GRM4: variants seen among roughly 807,000 people sequenced by gnomAD.
The protein encoded by GRM4 is metabotropic glutamate receptor 4.
A neutral mutation model predicts 81.7 loss-of-function variants in GRM4; 28 were observed. The observed-to-expected ratio is 0.34, with a 90% CI of 0.25 to 0.47. GRM4 has a LOEUF of 0.47. Among genes scored for constraint, GRM4 ranks in the 20% least tolerant of loss-of-function variants. The pLI is 1.00. For missense variants in GRM4, 948 were observed against 1,290.0 expected (o/e 0.73, Z 4.06); for synonymous variants, 488 against 528.8 (o/e 0.92, Z 1.06).
intron 2 of GRM4, chr6:34,103,891 G>A (rs1299366299): frequency 2.2e-6 from 3 of 1,375,674 alleles, no homozygotes; most frequent in African/African-American, 1.5e-5. Flanking sequence ...ACAGAAGCCT[G>A]GGGAGAGGGG....
At position 34,040,383 on chromosome 6, in the gene GRM4, AGAGACC is replaced by A. The variant is rs1764945913; in HGVS notation, c.1370-75_1370-70del. The A allele has an allele frequency of 2.6e-6, 4 of 1,553,824 alleles. No individual in the cohort carries two copies. In the Admixed American group the frequency reaches 6.8e-5, roughly 26 times the overall value. ...GCAGGGCGGATGATGAGCCTGGGGC[AGAGACC>A]TCTCTGACACACCCATTCATGGAAC... On this transcript the variant is annotated intron_variant, in intron 7 of 10. Transcript: ENST00000538487.
rs532343215 is a variant in GRM4 at position 34,034,650 on chromosome 6, CTGTT to C, written c.2442+1014_2442+1017del. On this transcript the variant is annotated intron_variant, in intron 9 of 10. Transcript: ENST00000538487. This position sits in a 1 kb window ranked among gnomAD's most constrained non-coding sequence, Gnocchi z 4.0. ...CTCCACACTCCTTACAGTGTATTAA[CTGTT>C]TGTGCACCCACTGTGTCATGTGATT... is the stretch of plus-strand genomic sequence containing the variant. Among the ~76,000 whole-genome samples the C allele has an allele frequency of 2.2e-4, 33 of 152,384 alleles. No individual in the cohort carries two copies. The highest frequency in any genetic ancestry group is 1.2e-3 in the South Asian group (6 of 4,830).
chr6:34,138,121 G>T (rs1770539685), intron 1 of GRM4, among the ~76,000 whole-genome samples: 1 of 152,190 alleles, frequency 6.6e-6, no homozygotes, highest in Admixed American at 6.5e-5. Context: ...CCAGAATAAA[G>T]GGTAAATCGA....
intron 3 of GRM4, among the ~76,000 whole-genome samples, chr6:34,066,786 C>T (rs553134850): frequency 1.6e-4 from 24 of 152,064 alleles, no homozygotes; most frequent in Admixed American, 2.6e-4. Context: ...TGGGACTACT[C>T]AGCAAATCTG....
chr6:34,148,244 C>T (rs1770978798), upstream of GRM4, among the ~76,000 whole-genome samples: 2 of 152,120 alleles, frequency 1.3e-5, no homozygotes, highest in African/African-American at 4.8e-5. Context: ...AGTGGCCAAG[C>T]GCTCCGTCAG....
intron 3 of GRM4, among the ~76,000 whole-genome samples, chr6:34,072,887 TC>T (rs1167400347): frequency 5.5e-5 from 2 of 36,140 alleles, no homozygotes; most frequent in African/African-American, 1.2e-4. Flanking sequence ...CCACACATCA[TC>T]ACACAGATAC....
chr6:34,045,935 G>A (rs1178972835), intron 6 of GRM4, among the ~76,000 whole-genome samples: 3 of 152,204 alleles, frequency 2.0e-5, no homozygotes, highest in East Asian at 3.8e-4. Context: ...ACAGTCAGCT[G>A]GGGAACCATC....
intron 3 of GRM4, among the ~76,000 whole-genome samples, chr6:34,072,479 C>T (rs926827991): frequency 9.0e-4 from 47 of 52,334 alleles, no homozygotes; most frequent in Non-Finnish European, 2.9e-4. Context: ...CAGATACACA[C>T]CCACACACAT....
rs1764689134 is a variant in GRM4 at position 34,036,034 on chromosome 6, G to T, written c.2076C>A (p.Arg692=). ...EQGKRSVSAP[R]FISPASQLAI... ...CCAGCTGTGAGGCGGGGCTGATGAA[G>T]CGTGGGGCACTGACCGAGCGCTTGC... Residue 692 remains arginine, a synonymous_variant, in exon 9 of 11, where the codon CGC becomes CGA. Coordinates refer to ENST00000538487, the MANE Select transcript of GRM4 (RefSeq NM_000841.4). This position sits in a 1 kb window ranked among gnomAD's most constrained non-coding sequence, Gnocchi z 9.0. 1 of 1,614,028 alleles carries T rather than the reference G, an allele frequency of 6.2e-7. No individual in the cohort carries two copies. Among genetic ancestry groups the T allele is most frequent in the Non-Finnish European group, 8.5e-7 (1 of 1,180,014 alleles).
At chr6:34,084,801 C>A (rs867716126) in intron 3 of GRM4, among the ~76,000 whole-genome samples, 9 of 152,176 alleles carry the variant, frequency 5.9e-5, no homozygotes, top group African/African-American at 2.2e-4. Context: ...TCCCACCTGG[C>A]GTGCCCTTTC....
chr6:34,053,870 A>G (rs879303595), intron 6 of GRM4, among the ~76,000 whole-genome samples: 11 of 152,140 alleles, frequency 7.2e-5, no homozygotes, highest in Non-Finnish European at 1.6e-4. Context: ...CATTAAAATC[A>G]CCTAGGGAGC....
intron 2 of GRM4, among the ~76,000 whole-genome samples, chr6:34,095,180 C>G (rs928753415): frequency 2.6e-5 from 4 of 152,202 alleles, no homozygotes; most frequent in South Asian, 4.1e-4. Flanking sequence ...CCCTGACCTT[C>G]CCCCAATAAT....
chr6:34,115,273 T>C lies in GRM4; in HGVS notation c.519+17705A>G, dbSNP rs1211314611. ...GCGTGTGTGTGTGTGTGCATGCGTG[T>C]GGCCACCCCCGTGGGTGAGGACAGC... On this transcript the variant is annotated intron_variant, in intron 2 of 10. Coordinates refer to ENST00000538487, the MANE Select transcript of GRM4 (RefSeq NM_000841.4). This position sits in a 1 kb window ranked among gnomAD's most constrained non-coding sequence, Gnocchi z 4.1. 6.6e-6 allele frequency among the ~76,000 whole-genome samples: 1 copy of C among 152,242 alleles called. No individual in the cohort carries two copies. The highest frequency in any genetic ancestry group is 1.5e-5 in the Non-Finnish European group (1 of 68,044).
rs899327981 is a variant in GRM4 at position 34,036,767 on chromosome 6, C to G, written c.1507-164G>C. 7.9e-5 allele frequency among the ~76,000 whole-genome samples: 12 copies of G among 152,188 alleles called. No individual in the cohort carries two copies. Among genetic ancestry groups the G allele is most frequent in the Admixed American group, 7.2e-4 (11 of 15,286 alleles). On this transcript the variant is annotated intron_variant, in intron 8 of 10. Coordinates refer to ENST00000538487, the MANE Select transcript of GRM4 (RefSeq NM_000841.4). The surrounding 1 kb of genome is among the most constrained non-coding windows in gnomAD (Gnocchi z 9.0). Reference sequence around the variant, plus strand: ...CACAGGGACTTACTGAATCTAACAGCTGGAGTTAAAAAAGGTCTCCGGCAT... The same window carrying G: ...CACAGGGACTTACTGAATCTAACAGGTGGAGTTAAAAAAGGTCTCCGGCAT...
rs1438842599 is a variant in GRM4 at position 34,019,605 on chromosome 6, T to G, written c.*3216A>C. 1 of 152,274 alleles carries G rather than the reference T, an allele frequency of 6.6e-6. No homozygotes were observed. The highest frequency in any genetic ancestry group is 1.5e-5 in the Non-Finnish European group (1 of 68,158). The allele number at this position is 152,274 out of a possible 1,614,324, so 9.4% of individuals were successfully genotyped here. A position where few individuals can be genotyped will look rare whatever the true frequency, so the allele number is the denominator to read the frequency against. On this transcript the variant is annotated 3_prime_UTR_variant, in exon 11 of 11. Transcript: ENST00000538487. ...AAAGTGTGCTGTGGGGTGGGATGTC[T>G]GCTAGCCCAATCCTTCATTCAGACA...
intron 1 of GRM4, among the ~76,000 whole-genome samples, chr6:34,135,532 A>G (rs763191981): frequency 1.3e-5 from 2 of 152,266 alleles, no homozygotes; most frequent in Non-Finnish European, 2.9e-5. Context: ...AAGCTGACAG[A>G]AAGTTTCATA....
rs1767386403 is a variant in GRM4 at position 34,077,696 on chromosome 6, C to A, written c.736+14187G>T. ...CTGCAGTTTCCAACATACATCAGAG[C>A]CTTTAGTCAGACTCTTTGCTCTGCC... On this transcript the variant is annotated intron_variant, in intron 3 of 10. Transcript: ENST00000538487. Among the ~76,000 whole-genome samples the A allele has an allele frequency of 2.0e-5, 3 of 152,166 alleles. No individual in the cohort carries two copies. The South Asian group carries it at 6.2e-4, about 32-fold the overall frequency.
At chr6:34,039,181 G>C (rs3798531) in intron 8 of GRM4, among the ~76,000 whole-genome samples, 2 of 152,162 alleles carry the variant, frequency 1.3e-5, no homozygotes, top group Non-Finnish European at 2.9e-5. Context: ...GTGGCCTTTA[G>C]GAGAGTCCTT....
chr6:34,097,630 C>A (rs1259347382), intron 2 of GRM4, among the ~76,000 whole-genome samples: 1 of 152,232 alleles, frequency 6.6e-6, no homozygotes, highest in Non-Finnish European at 1.5e-5. Flanking sequence ...GTTCCCAGAA[C>A]TGCAGAATCT....
Sources: allele counts gnomAD v4.1 joint callset (sites outside exome capture counted in the v4.1 genomes callset), GRCh38; gene constraint gnomAD v4.1.1; non-coding constraint Gnocchi (gnomAD v3.1); transcripts MANE v1.5; gene names NCBI Gene and HGNC (gene_info 2026-07-23, HGNC 2026-07-21).